Variants in PCDH15 observed in about 807,000 individuals in gnomAD.
PCDH15 encodes the protein protocadherin related 15.
A neutral mutation model predicts 178.5 loss-of-function variants in PCDH15; 129 were observed. The observed-to-expected ratio is 0.72, with a 90% confidence interval of 0.63 to 0.84. The LOEUF is 0.84. Ranked by LOEUF, PCDH15 falls within the 40% of genes least tolerant of loss-of-function variation. The pLI, the probability that PCDH15 is intolerant of heterozygous loss-of-function variation, is 0.00. For missense variants in PCDH15, 2,230 were observed against 2,099.9 expected (o/e 1.06, Z -1.21); for synonymous variants, 800 against 732.0 (o/e 1.09, Z -1.50).
intron 9 of PCDH15, among the ~76,000 whole-genome samples, chr10:54,216,379 C>T (rs886844547): frequency 3.9e-5 from 6 of 152,098 alleles, no homozygotes; most frequent in African/African-American, 1.4e-4. Context: ...TCACTTGAAC[C>T]CGGGAGACAT....
chr10:53,888,297 T>TATATATATATAC (rs2081253259), intron 26 of PCDH15, among the ~76,000 whole-genome samples: 14 of 73,606 alleles, frequency 1.9e-4, no homozygotes, highest in African/African-American at 7.5e-4. Context: ...TATACATATA[T>TATATATATATAC]ATATATATAT....
At chr10:54,182,111 C>T (rs1234926119) in intron 13 of PCDH15, among the ~76,000 whole-genome samples, 1 of 152,120 alleles carries the variant, frequency 6.6e-6, no homozygotes, top group Non-Finnish European at 1.5e-5. Context: ...GCGCATGCCG[C>T]CACGTCCGGC....
intron 3 of PCDH15, among the ~76,000 whole-genome samples, chr10:54,397,935 A>G: frequency 6.6e-6 from 1 of 151,924 alleles, no homozygotes; most frequent in Non-Finnish European, 1.5e-5. Context: ...TGACCTGTTC[A>G]AAGATCTATT....
chr10:54,924,242 C>A (rs1035833076), intron 2 of PCDH15, among the ~76,000 whole-genome samples: 1 of 137,290 alleles, frequency 7.3e-6, no homozygotes, highest in Admixed American at 7.2e-5. Flanking sequence ...AAATCCGCCC[C>A]CATGATCCAA....
chr10:55,071,166 G>A (rs567481292), intron 2 of PCDH15, among the ~76,000 whole-genome samples: 4 of 152,234 alleles, frequency 2.6e-5, no homozygotes, highest in South Asian at 2.1e-4. Context: ...AAAGACCATC[G>A]AGGCTACGAA....
At chr10:54,663,346 A>G (rs1341901752) in intron 2 of PCDH15, among the ~76,000 whole-genome samples, 7 of 151,416 alleles carry the variant, frequency 4.6e-5, no homozygotes, top group Non-Finnish European at 8.9e-5. Flanking sequence ...GAAAGACAGG[A>G]AAGAAATAAA....
chr10:53,888,702 T>TATATATATATATATATATAA (rs1554845542), intron 26 of PCDH15, among the ~76,000 whole-genome samples: 1 of 46,190 alleles, frequency 2.2e-5, no homozygotes, highest in African/African-American at 5.9e-5. Flanking sequence ...TATATATATA[T>TATATATATATATATATATAA]ATCTCCTGTG....
intron 2 of PCDH15, among the ~76,000 whole-genome samples, chr10:55,151,628 A>G (rs1238319142): frequency 6.6e-6 from 1 of 152,118 alleles, no homozygotes; most frequent in East Asian, 1.9e-4. Context: ...AAAGGTAAAA[A>G]TTTAATAGTG....
chr10:53,904,036 G>C (rs1303368620), intron 25 of PCDH15, among the ~76,000 whole-genome samples: 1 of 152,032 alleles, frequency 6.6e-6, no homozygotes, highest in East Asian at 1.9e-4. Context: ...TACCATAAAT[G>C]ATATGTCATC....
chr10:55,524,195 T>C (rs1199396957), intron 2 of PCDH15, among the ~76,000 whole-genome samples: 1 of 151,592 alleles, frequency 6.6e-6, no homozygotes, highest in Non-Finnish European at 1.5e-5. Context: ...AAAAAGTATA[T>C]AGAGTAAATA....
chr10:54,224,603 C>G, intron 9 of PCDH15, among the ~76,000 whole-genome samples: 1 of 152,060 alleles, frequency 6.6e-6, no homozygotes, highest in East Asian at 1.9e-4. Context: ...AATTCACCTG[C>G]TACCCCTTTT....
Position 53,806,999 on chromosome 10 carries a change from G to A in PCDH15, c.4803C>T (p.Gly1601=), listed in dbSNP as rs190105984. The A allele has an allele frequency of 3.4e-4, 554 of 1,613,634 alleles. 2 individuals carry two copies. In the East Asian group the frequency reaches 0.012, roughly 35 times the overall value. The change falls in exon 38 of 38, where the codon GGC becomes GGT. Residue 1601 remains glycine, a synonymous_variant. Transcript: ENST00000644397. ...AACCATTCTGTGCAATATATATATT[G>A]CCGTTGATATTACTGTGGATACTAG... ...HHPSIHSNIN[G]NIYIAQNGSV...
chr10:53,871,764 TG>T (rs2079880324), intron 26 of PCDH15, among the ~76,000 whole-genome samples: 1 of 151,284 alleles, frequency 6.6e-6, no homozygotes, highest in African/African-American at 2.4e-5. Context: ...TGTTTTGTTT[TG>T]TTTTTGAGAT....
chr10:53,807,237 G>A (rs1243722555), intron 37 of PCDH15, 107 bp from the exon 38 acceptor site: 2 of 907,474 alleles, frequency 2.2e-6, no homozygotes, highest in East Asian at 2.6e-5. Context: ...AGCTGTCAAA[G>A]GTAAATCACT....
At chr10:55,516,453 T>C (rs544728410) in intron 2 of PCDH15, among the ~76,000 whole-genome samples, 76 of 152,126 alleles carry the variant, frequency 5.0e-4, no homozygotes, top group Non-Finnish European at 1.0e-3. Flanking sequence ...TACACTTCTT[T>C]AACCACTCAT....
chr10:55,078,766 C>A (rs1564778825), intron 2 of PCDH15, among the ~76,000 whole-genome samples: 1 of 151,536 alleles, frequency 6.6e-6, no homozygotes, highest in East Asian at 1.9e-4. Context: ...GTCTTTTATC[C>A]CTCACCCCCT....
chr10:54,863,232 A>T (rs932539534), intron 3 of PCDH15, among the ~76,000 whole-genome samples: 3 of 152,264 alleles, frequency 2.0e-5, no homozygotes, highest in African/African-American at 7.2e-5. Flanking sequence ...AATTTTTAAG[A>T]TTTATTCTAT....
At chr10:55,238,471 C>T (rs1375125927) in intron 1 of PCDH15, among the ~76,000 whole-genome samples, 1 of 151,840 alleles carries the variant, frequency 6.6e-6, no homozygotes, top group African/African-American at 2.4e-5. Flanking sequence ...TTCTTAAGGA[C>T]CATATCCAAT....
chr10:53,979,247 C>T (rs2090430036), intron 21 of PCDH15, among the ~76,000 whole-genome samples: 2 of 152,120 alleles, frequency 1.3e-5, no homozygotes, highest in Admixed American at 6.6e-5. Context: ...CAGAAACATA[C>T]AAGACATCCT....
Sources: allele counts gnomAD v4.1 joint callset (sites outside exome capture counted in the v4.1 genomes callset), GRCh38; gene constraint gnomAD v4.1.1; transcripts MANE v1.5; gene names NCBI Gene and HGNC (gene_info 2026-07-23, HGNC 2026-07-21).